Variants in SMIM36 observed in about 807,000 individuals in gnomAD.
The protein encoded by SMIM36 is small integral membrane protein 36.
At chr17:55,461,897 G>C (rs1258890563) in intron 4 of SMIM36, among the ~76,000 whole-genome samples, 2 of 152,192 alleles carry the variant, frequency 1.3e-5, no homozygotes, top group Non-Finnish European at 2.9e-5. Context: ...ATTCAGGGCA[G>C]AGAATTCTTA....
At chr17:55,517,354 C>A in the SMIM36 span, among the ~76,000 whole-genome samples, 1 of 152,146 alleles carries the variant, frequency 6.6e-6, no homozygotes, top group South Asian at 2.1e-4. Flanking sequence ...AGTTCAAGAC[C>A]AGCCTGGCCA....
chr17:55,496,950 C>T (rs1909819212), intron 1 of SMIM36, among the ~76,000 whole-genome samples: 2 of 152,178 alleles, frequency 1.3e-5, no homozygotes, highest in Non-Finnish European at 2.9e-5. Flanking sequence ...ACGGTTCCTC[C>T]TCTTACAAAT....
At chr17:55,468,844 T>C (rs1909291084) in intron 3 of SMIM36, among the ~76,000 whole-genome samples, 1 of 152,160 alleles carries the variant, frequency 6.6e-6, no homozygotes, top group Non-Finnish European at 1.5e-5. Context: ...GTAATACCGC[T>C]TGGCCCCAAT....
chr17:55,484,578 C>A (rs1315492038), intron 1 of SMIM36, among the ~76,000 whole-genome samples: 3 of 152,172 alleles, frequency 2.0e-5, no homozygotes. Flanking sequence ...GCAAACAGAA[C>A]CATCTGGGAA....
the SMIM36 span, among the ~76,000 whole-genome samples, chr17:55,531,836 G>C: frequency 6.6e-6 from 1 of 152,178 alleles, no homozygotes; most frequent in Non-Finnish European, 1.5e-5. Flanking sequence ...TAGGCCCCAA[G>C]TAGGAGCTAA....
At chr17:55,516,898 C>T in the SMIM36 span, among the ~76,000 whole-genome samples, 3 of 152,210 alleles carry the variant, frequency 2.0e-5, no homozygotes, top group Admixed American at 6.5e-5. Flanking sequence ...AAAAGGAATT[C>T]TAAGGGGAGG....
the SMIM36 span, among the ~76,000 whole-genome samples, chr17:55,521,798 G>T: frequency 6.6e-6 from 1 of 151,746 alleles, no homozygotes; most frequent in South Asian, 2.1e-4. Flanking sequence ...AATCCTGGGG[G>T]CTCTACATTT....
At chr17:55,478,477 G>A (rs1909463812) in intron 3 of SMIM36, among the ~76,000 whole-genome samples, 3 of 152,048 alleles carry the variant, frequency 2.0e-5, no homozygotes, top group Admixed American at 2.0e-4. Context: ...TGATCTGCCC[G>A]CCTTGACTTC....
chr17:55,526,226 C>T, the SMIM36 span, among the ~76,000 whole-genome samples: 1 of 152,130 alleles, frequency 6.6e-6, no homozygotes, highest in Non-Finnish European at 1.5e-5. Context: ...TCACTGCAAC[C>T]TCCACCTCCC....
chr17:55,481,467 C>T (rs997146659), intron 1 of SMIM36, among the ~76,000 whole-genome samples: 1 of 152,132 alleles, frequency 6.6e-6, no homozygotes, highest in African/African-American at 2.4e-5. Flanking sequence ...TCCTCTGTGC[C>T]TCCATGGATC....
intron 4 of SMIM36, among the ~76,000 whole-genome samples, chr17:55,455,655 G>A (rs888997332): frequency 6.6e-6 from 1 of 152,098 alleles, no homozygotes; most frequent in Admixed American, 6.6e-5. Flanking sequence ...GCCAGTCATG[G>A]TGGAGCATGC....
At chr17:55,460,973 GAGA>G (rs1396209274) in intron 4 of SMIM36, among the ~76,000 whole-genome samples, 3 of 152,196 alleles carry the variant, frequency 2.0e-5, no homozygotes, top group South Asian at 2.1e-4. Flanking sequence ...GAAAATCTGG[GAGA>G]AGGAGATTTG....
At position 55,501,592 on chromosome 17, in the gene SMIM36, T is replaced by G. The variant is rs914216319; in HGVS notation, c.*174+9287A>C. 7.5e-5 allele frequency among the ~76,000 whole-genome samples: 10 copies of G among 134,042 alleles called. No individual in the cohort carries two copies. In the Admixed American group the frequency reaches 8.7e-4, roughly 12 times the overall value. The allele number at this position is 134,042 out of a possible 152,430, so 87.9% of individuals were successfully genotyped here. On this transcript the variant is annotated intron_variant, in intron 1 of 4. Coordinates refer to ENST00000636752, the Ensembl canonical transcript of SMIM36. ...ATAATAATTATATATTCACTGGTTA[T>G]ATATAAAATCAGTGTATATATATTA...
chr17:55,498,540 T>C (rs1909849222), intron 1 of SMIM36, among the ~76,000 whole-genome samples: 1 of 152,104 alleles, frequency 6.6e-6, no homozygotes, highest in Admixed American at 6.6e-5. Context: ...CCAGATACTT[T>C]ATGTGTGTGA....
intron 3 of SMIM36, among the ~76,000 whole-genome samples, chr17:55,475,626 T>C (rs922989697): frequency 1.3e-5 from 2 of 152,208 alleles, no homozygotes; most frequent in Admixed American, 1.3e-4. Flanking sequence ...TGGCTTGGTA[T>C]ATGACAACAT....
intron 1 of SMIM36, among the ~76,000 whole-genome samples, chr17:55,500,631 T>A (rs1487279151): frequency 6.6e-6 from 1 of 150,426 alleles, no homozygotes; most frequent in African/African-American, 2.4e-5. Flanking sequence ...GAGAGAGAAA[T>A]ATAAAATGTT....
chr17:55,529,332 A>G, the SMIM36 span, among the ~76,000 whole-genome samples: 1 of 152,180 alleles, frequency 6.6e-6, no homozygotes, highest in Non-Finnish European at 1.5e-5. Flanking sequence ...ATTTCATACT[A>G]TATATCCAGG....
At chr17:55,531,353 T>G in the SMIM36 span, among the ~76,000 whole-genome samples, 1 of 152,228 alleles carries the variant, frequency 6.6e-6, no homozygotes, top group Non-Finnish European at 1.5e-5. Flanking sequence ...CTTTTGAAGT[T>G]TTTGTATCTT....
At chr17:55,530,016 T>G in the SMIM36 span, among the ~76,000 whole-genome samples, 163 of 152,338 alleles carry the variant, frequency 1.1e-3, no homozygotes, top group African/African-American at 3.8e-3. Context: ...ATGATGTGTT[T>G]AACTAATATT....
Sources: allele counts gnomAD v4.1 joint callset (sites outside exome capture counted in the v4.1 genomes callset), GRCh38; gene constraint gnomAD v4.1.1; transcripts MANE v1.5; gene names NCBI Gene and HGNC (gene_info 2026-07-23, HGNC 2026-07-21).